CLIC5: variants seen among roughly 807,000 people sequenced by gnomAD.
CLIC5 encodes the protein CLIC family member 5, also known as chloride intracellular channel protein 5.
A neutral mutation model predicts 24.7 loss-of-function variants in CLIC5; 20 were observed. That is an observed-to-expected ratio of 0.81 (90% CI 0.57 to 1.18). The LOEUF (loss-of-function observed/expected upper bound fraction) is 1.18, where lower values mean the gene tolerates loss of function less well. Ranked by LOEUF, CLIC5 falls within the 50% of genes most tolerant of loss-of-function variation. The probability of loss-of-function intolerance (pLI) is 0.00; values close to 1 mark genes in which losing one functional copy is unlikely to be tolerated. For missense variants in CLIC5, 341 were observed against 326.1 expected (o/e 1.05, Z -0.35); for synonymous variants, 159 against 135.6 (o/e 1.17, Z -1.20).
At chr6:45,889,430 A>C (rs1051892580) in intron 6 of CLIC5, among the ~76,000 whole-genome samples, 1 of 152,206 alleles carries the variant, frequency 6.6e-6, no homozygotes, top group Non-Finnish European at 1.5e-5. Context: ...TGGGGGGAAC[A>C]CATTCAGTCC....
At chr6:46,038,989 A>G (rs1767735697) in intron 1 of CLIC5, among the ~76,000 whole-genome samples, 2 of 152,236 alleles carry the variant, frequency 1.3e-5, no homozygotes, top group Non-Finnish European at 1.5e-5. Context: ...TTAAATGCAT[A>G]CATAAGAATT....
chr6:46,026,761 C>T (rs1273614000), intron 1 of CLIC5, among the ~76,000 whole-genome samples: 4 of 152,162 alleles, frequency 2.6e-5, no homozygotes, highest in African/African-American at 9.7e-5. Flanking sequence ...TCATAGTGCT[C>T]AAAATGCATG....
Position 45,954,021 on chromosome 6 carries a change from A to G in CLIC5, c.173+1114T>C, listed in dbSNP as rs566164767. Among the ~76,000 whole-genome samples, 5 of 152,292 alleles carry G rather than the reference A, an allele frequency of 3.3e-5. No individual in the cohort carries two copies. In the East Asian group the frequency reaches 9.6e-4, roughly 29 times the overall value. On this transcript the variant is annotated intron_variant, in intron 2 of 5. Coordinates refer to ENST00000339561, the MANE Select transcript of CLIC5 (RefSeq NM_016929.5). The stretch of plus-strand genomic sequence containing the variant: ...CCAGGAGCAGTGGCTCACGTCTGTA[A>G]TCCCAGCACTTTGGGAGGTCGAGGT...
chr6:46,026,066 C>T lies in CLIC5; in HGVS notation c.540+53637G>A, dbSNP rs370852661. Among the ~76,000 whole-genome samples the T allele has an allele frequency of 2.6e-5, 4 of 152,298 alleles. No homozygotes were observed. The East Asian group carries it at 7.7e-4, about 29-fold the overall frequency. On this transcript the variant is annotated intron_variant, in intron 1 of 5. Coordinates refer to the CLIC5 transcript ENST00000185206. ...GAGAACGGACTGATATAGCCTTCAT[C>T]TTTATTTCACTGTTTCTCCCTGGTA...
At chr6:46,098,470 G>A in the CLIC5 span, among the ~76,000 whole-genome samples, 1 of 152,128 alleles carries the variant, frequency 6.6e-6, no homozygotes, top group Non-Finnish European at 1.5e-5. Context: ...TACATTATAG[G>A]CAGGCTAAGC....
chr6:46,118,634 T>C, the CLIC5 span, among the ~76,000 whole-genome samples: 2 of 152,244 alleles, frequency 1.3e-5, no homozygotes, highest in Non-Finnish European at 2.9e-5. Context: ...TCCTTCCCTG[T>C]CTACAAGATA....
At chr6:45,912,143 G>A (rs925679922) in intron 5 of CLIC5, 204 of 986,698 alleles carry the variant, frequency 2.1e-4, no homozygotes, top group Non-Finnish European at 2.3e-4. Flanking sequence ...CCCAGATTAA[G>A]TTTTGGCATC....
intron 4 of CLIC5, among the ~76,000 whole-genome samples, chr6:45,927,567 G>C (rs535656461): frequency 1.3e-5 from 2 of 152,264 alleles, no homozygotes; most frequent in African/African-American, 4.8e-5. Flanking sequence ...CCTTCTACCA[G>C]GGAGAACCAC....
chr6:45,925,537 G>C (rs1166348918), intron 4 of CLIC5, among the ~76,000 whole-genome samples: 1 of 152,118 alleles, frequency 6.6e-6, no homozygotes, highest in African/African-American at 2.4e-5. Flanking sequence ...GGCTGGTCTT[G>C]AACTCCTGAC....
chr6:45,996,321 C>A (rs1766137560), intron 1 of CLIC5, among the ~76,000 whole-genome samples: 1 of 152,030 alleles, frequency 6.6e-6, no homozygotes, highest in African/African-American at 2.4e-5. Context: ...ATGGTAGTTT[C>A]TTTTGCTGTG....
intron 1 of CLIC5, among the ~76,000 whole-genome samples, chr6:46,031,451 T>A (rs1052325199): frequency 1.4e-4 from 21 of 152,112 alleles, no homozygotes; most frequent in African/African-American, 5.1e-4. Context: ...GCTAAGAAAA[T>A]CAAGTTGCAC....
At chr6:46,006,601 C>T (rs1766591926) in intron 1 of CLIC5, among the ~76,000 whole-genome samples, 1 of 152,024 alleles carries the variant, frequency 6.6e-6, no homozygotes, top group African/African-American at 2.4e-5. Flanking sequence ...CATTTATTTC[C>T]TACCTCTTAT....
At chr6:46,057,908 G>C (rs1768305444) in intron 1 of CLIC5, among the ~76,000 whole-genome samples, 1 of 152,054 alleles carries the variant, frequency 6.6e-6, no homozygotes, top group African/African-American at 2.4e-5. Flanking sequence ...TCACATTACT[G>C]CTACTGCCTG....
intron 6 of CLIC5, among the ~76,000 whole-genome samples, chr6:45,887,342 G>A (rs1467667679): frequency 6.6e-6 from 1 of 152,088 alleles, no homozygotes; most frequent in Admixed American, 6.5e-5. Flanking sequence ...CCTTCTGCTA[G>A]CCCCAGGTTT....
At chr6:46,062,218 T>C (rs751525311) in intron 1 of CLIC5, among the ~76,000 whole-genome samples, 1 of 152,252 alleles carries the variant, frequency 6.6e-6, no homozygotes, top group Non-Finnish European at 1.5e-5. Flanking sequence ...TATAAAAGAT[T>C]ACTCACCATA....
At chr6:46,089,396 G>A in the CLIC5 span, among the ~76,000 whole-genome samples, 1 of 151,926 alleles carries the variant, frequency 6.6e-6, no homozygotes, top group African/African-American at 2.4e-5. Flanking sequence ...TAAAAATGAA[G>A]GTAACATGCT....
At chr6:45,932,549 A>AC (rs1159287677) in intron 4 of CLIC5, 2 of 152,224 alleles carry the variant, frequency 1.3e-5, no homozygotes, top group Admixed American at 6.6e-5. Context: ...AAGCACTGTG[A>AC]CCCCCGGGGT....
intron 4 of CLIC5, among the ~76,000 whole-genome samples, chr6:45,924,820 C>T (rs1410994093): frequency 6.6e-6 from 1 of 152,004 alleles, no homozygotes; most frequent in African/African-American, 2.4e-5. Flanking sequence ...ACTCATCTTC[C>T]TAGATTCCCA....
chr6:46,010,193 C>A (rs1274218390), intron 1 of CLIC5, among the ~76,000 whole-genome samples: 2 of 152,160 alleles, frequency 1.3e-5, no homozygotes, highest in Non-Finnish European at 2.9e-5. Context: ...GCTGGTAGGA[C>A]TGAGCCTCTG....
Sources: allele counts gnomAD v4.1 joint callset (sites outside exome capture counted in the v4.1 genomes callset), GRCh38; gene constraint gnomAD v4.1.1; transcripts MANE v1.5; gene names NCBI Gene and HGNC (gene_info 2026-07-23, HGNC 2026-07-21).